The following POLGARF variants were observed in gnomAD, a reference collection of about 807,000 sequenced individuals.
The protein encoded by POLGARF is POLG alternative reading frame.
chr15:89,330,216 C>T, the POLGARF span: 1 of 1,613,472 alleles, frequency 6.2e-7, no homozygotes, highest in Non-Finnish European at 8.5e-7. Flanking sequence ...GGTCAGCCGG[C>T]GACAGCTGGC....
the POLGARF span, among the ~76,000 whole-genome samples, chr15:89,331,984 G>C: frequency 6.6e-6 from 1 of 152,204 alleles, no homozygotes; most frequent in African/African-American, 2.4e-5. Flanking sequence ...AAGGGGACTT[G>C]AGGTAATTTG....
the POLGARF span, chr15:89,333,439 G>A: frequency 1.2e-6 from 2 of 1,609,260 alleles, no homozygotes; most frequent in South Asian, 1.1e-5. Flanking sequence ...TTCTGCAGGT[G>A]CTCGACGCTG....
At chr15:89,333,134 A>G in the POLGARF span, 1 of 1,527,954 alleles carries the variant, frequency 6.5e-7, no homozygotes, top group East Asian at 2.3e-5. Context: ...ATGTGGGGCA[A>G]GTTCCCTCTG....
chr15:89,333,485 T>G, the POLGARF span: 6 of 1,612,482 alleles, frequency 3.7e-6, no homozygotes, highest in Non-Finnish European at 5.1e-6. Flanking sequence ...TCTCCCCTCC[T>G]TGCCCGAAGA....
the POLGARF span, chr15:89,333,656 G>T: frequency 1.3e-6 from 2 of 1,569,598 alleles, no homozygotes; most frequent in Non-Finnish European, 1.7e-6. Flanking sequence ...CGCTGGGGTC[G>T]GACGCGGGGA....
chr15:89,330,419 CAAA>C, the POLGARF span: 2 of 718,330 alleles, frequency 2.8e-6, no homozygotes, highest in East Asian at 5.4e-5. Flanking sequence ...GCTCCTAACT[CAAA>C]CAGCTACAGG....
chr15:89,331,976 G>A, the POLGARF span, among the ~76,000 whole-genome samples: 1 of 152,200 alleles, frequency 6.6e-6, no homozygotes, highest in African/African-American at 2.4e-5. Flanking sequence ...GAAAAGAAAA[G>A]GGGACTTGAG....
At chr15:89,333,654 T>A in the POLGARF span, 1 of 1,576,986 alleles carries the variant, frequency 6.3e-7, no homozygotes, top group Non-Finnish European at 8.6e-7. Context: ...GTCGCTGGGG[T>A]CGGACGCGGG....
the POLGARF span, chr15:89,330,376 T>C: frequency 3.2e-6 from 3 of 942,616 alleles, no homozygotes. Context: ...GATGGTGCAT[T>C]GGCAGCTGGG....
chr15:89,330,496 C>T, the POLGARF span, among the ~76,000 whole-genome samples: 3 of 152,274 alleles, frequency 2.0e-5, no homozygotes, highest in South Asian at 6.2e-4. Flanking sequence ...CTTTAAACTT[C>T]TGCACATAAA....
At chr15:89,333,321 T>C in the POLGARF span, 2 of 1,558,732 alleles carry the variant, frequency 1.3e-6, no homozygotes, top group South Asian at 1.2e-5. Context: ...CAGGCTCTGC[T>C]TCTGGGCCAG....
At chr15:89,331,472 C>A in the POLGARF span, among the ~76,000 whole-genome samples, 3 of 152,330 alleles carry the variant, frequency 2.0e-5, no homozygotes, top group African/African-American at 7.2e-5. Flanking sequence ...ATATTATAAA[C>A]TAGTGATTAA....
chr15:89,332,613 C>CGGG, the POLGARF span, among the ~76,000 whole-genome samples: 159 of 60,452 alleles, frequency 2.6e-3, 2 homozygotes, highest in South Asian at 0.037. Flanking sequence ...GGCAGGGGGG[C>CGGG]GGGGGGGTGT....
At chr15:89,332,016 A>G in the POLGARF span, among the ~76,000 whole-genome samples, 2 of 152,226 alleles carry the variant, frequency 1.3e-5, no homozygotes, top group Non-Finnish European at 2.9e-5. Context: ...CCGACAGATC[A>G]AAAAACAAAT....
At chr15:89,333,693 G>A in the POLGARF span, 5 of 1,541,896 alleles carry the variant, frequency 3.2e-6, no homozygotes, top group Admixed American at 7.8e-5. Context: ...GCGCCCCGGA[G>A]CTGGAACCGG....
At chr15:89,330,257 G>A in the POLGARF span, 8 of 1,611,372 alleles carry the variant, frequency 5.0e-6, no homozygotes, top group East Asian at 2.2e-5. Flanking sequence ...TCCACCAGCC[G>A]CTGGCTGCAC....
At chr15:89,331,235 C>G in the POLGARF span, among the ~76,000 whole-genome samples, 2 of 152,154 alleles carry the variant, frequency 1.3e-5, no homozygotes, top group Non-Finnish European at 2.9e-5. Flanking sequence ...TAGTTTTAAA[C>G]CTGACAAAAT....
chr15:89,333,276 G>A, the POLGARF span: 31 of 1,558,792 alleles, frequency 2.0e-5, no homozygotes, highest in Non-Finnish European at 2.5e-5. Context: ...GGGCAGCTGG[G>A]CCTGCAACAG....
At chr15:89,330,331 C>T in the POLGARF span, 2 of 1,332,888 alleles carry the variant, frequency 1.5e-6, no homozygotes, top group Non-Finnish European at 2.1e-6. Flanking sequence ...ACTTCCACTC[C>T]ACAACAACCA....
Sources: gnomAD v4.1 joint callset for allele counts (sites outside exome capture counted in the v4.1 genomes callset) on GRCh38, gnomAD v4.1.1 for gene constraint, MANE v1.5 for transcripts, NCBI Gene and HGNC (gene_info 2026-07-23, HGNC 2026-07-21) for gene names.